Variants in TUBGCP4 observed in about 807,000 individuals in gnomAD.
TUBGCP4 encodes the protein gamma-tubulin complex component 4.
TUBGCP4 carries 54 observed loss-of-function variants against 91.6 expected under a neutral mutation model. The ratio of observed to expected loss-of-function variants is 0.59; its 90% CI spans 0.47 to 0.74. The LOEUF is 0.74. Ranked by LOEUF, TUBGCP4 falls within the 30% of genes least tolerant of loss-of-function variation. The pLI is 0.00. For missense variants in TUBGCP4, 593 were observed against 800.9 expected (o/e 0.74, Z 3.13); for synonymous variants, 297 against 302.8 (o/e 0.98, Z 0.20).
chr15:43,371,542 G>A, intron 1 of TUBGCP4, 110 bp downstream of exon 1: 1 of 1,119,722 alleles, frequency 8.9e-7, no homozygotes, highest in East Asian at 2.5e-5. Flanking sequence ...CCAGGGCTGG[G>A]GGCGTATCCC....
chr15:43,407,181 T>C lies in TUBGCP4; in HGVS notation c.*1967T>C, dbSNP rs965329304. On this transcript the variant is annotated 3_prime_UTR_variant, in exon 18 of 18. Coordinates refer to ENST00000564079, the MANE Select transcript of TUBGCP4 (RefSeq NM_014444.5). ...CTATGTCTTGTCATTTGTTCTGAGATTAAGCTCAAAAAAACAGATGAAGAA... is the reference window on the plus strand; with the variant it reads ...CTATGTCTTGTCATTTGTTCTGAGACTAAGCTCAAAAAAACAGATGAAGAA... 8.9e-6 allele frequency: 5 copies of C among 559,672 alleles called. No individual in the cohort carries two copies. The highest frequency in any genetic ancestry group is 1.9e-5 in the African/African-American group (1 of 53,194). 34.7% of individuals were successfully genotyped at this position (559,672 alleles called of 1,614,324 possible).
Position 43,404,472 on chromosome 15 carries a change from G to T in TUBGCP4, c.1908G>T (p.Gln636His). 1 of 1,614,128 alleles carries T rather than the reference G, an allele frequency of 6.2e-7. No individual in the cohort carries two copies. Among genetic ancestry groups the T allele is most frequent in the South Asian group, 1.1e-5 (1 of 91,082 alleles). The change falls in exon 17 of 18, where the codon CAG (glutamine) becomes CAT (histidine). Residue 636 changes from glutamine (Q) to histidine (H), a missense_variant. Coordinates refer to ENST00000564079, the MANE Select transcript of TUBGCP4 (RefSeq NM_014444.5). ...FKILSSVRNH[Q>H]INSDLAQLLL... ...TTCTCTCCAGTGTTCGGAATCATCA[G>T]ATCAACTCAGATTTGGCTCAACTAC... is the stretch of plus-strand genomic sequence containing the variant.
intron 9 of TUBGCP4, among the ~76,000 whole-genome samples, chr15:43,393,446 T>C (rs182638414): frequency 1.3e-5 from 2 of 151,910 alleles, no homozygotes; most frequent in East Asian, 3.9e-4. Context: ...CTTTTTTTTT[T>C]AATTTTATTA....
chr15:43,378,670 G>A (rs2044242363), intron 5 of TUBGCP4, among the ~76,000 whole-genome samples: 1 of 152,206 alleles, frequency 6.6e-6, no homozygotes, highest in Non-Finnish European at 1.5e-5. Flanking sequence ...TTCATGCTGT[G>A]CCAGCAAAGC....
At position 43,377,071 on chromosome 15, in the gene TUBGCP4, T is replaced by C. The variant is rs906052915; in HGVS notation, c.384+4T>C. The C allele has an allele frequency of 1.2e-6, 2 of 1,611,558 alleles. No individual in the cohort carries two copies. Among genetic ancestry groups the C allele is most frequent in the African/African-American group, 1.3e-5 (1 of 74,998 alleles). ...TGTCAACTACTTCCTAGACCAGGTA[T>C]GCTGCCCAAATAACCAAATGCCTTG... On this transcript the variant is annotated splice_donor_region_variant and intron_variant, in intron 4 of 17. Coordinates refer to ENST00000564079, the MANE Select transcript of TUBGCP4 (RefSeq NM_014444.5).
At chr15:43,377,655 C>G (rs1739566671) in intron 4 of TUBGCP4, 192 bp from the exon 5 acceptor site, 1 of 510,450 alleles carries the variant, frequency 2.0e-6, no homozygotes, top group Admixed American at 4.0e-5. Flanking sequence ...GAAACTGCCT[C>G]TCTCTGCCAT....
In TUBGCP4 at chr15:43,407,835, A is replaced by G. The variant is rs911256286; in HGVS notation, c.*2621A>G. On this transcript the variant is annotated 3_prime_UTR_variant, in exon 18 of 18. Coordinates refer to ENST00000564079, the MANE Select transcript of TUBGCP4 (RefSeq NM_014444.5). The stretch of plus-strand genomic sequence containing the variant: ...GTGGTACTTTTCTTCTCTAAGAAAC[A>G]TGGATACGGTCAACCTATTAGGCCT... The G allele has an allele frequency of 4.3e-6, 5 of 1,163,532 alleles. No individual in the cohort carries two copies. In the East Asian group the frequency reaches 9.4e-5, roughly 22 times the overall value. The allele number at this position is 1,163,532 out of a possible 1,614,324, so 72.1% of individuals were successfully genotyped here. A position where few individuals can be genotyped will look rare whatever the true frequency, so the allele number is the denominator to read the frequency against.
chr15:43,389,099 CA>C (rs1319080264), intron 9 of TUBGCP4, among the ~76,000 whole-genome samples: 2 of 152,144 alleles, frequency 1.3e-5, no homozygotes, highest in African/African-American at 2.4e-5. Flanking sequence ...GCTGGTAATA[CA>C]GGTGTTCAAT....
In TUBGCP4 at chr15:43,408,013, G is replaced by C. The variant is rs2044973768; in HGVS notation, c.*2799G>C. On this transcript the variant is annotated 3_prime_UTR_variant, in exon 18 of 18. Coordinates refer to ENST00000564079, the MANE Select transcript of TUBGCP4 (RefSeq NM_014444.5). ...CACCAGTCATGAGGATCTCAGACCA[G>C]AGCTCCAGGAAGTTCTGCTGTTGGT... 2.5e-6 allele frequency: 4 copies of C among 1,614,008 alleles called. No homozygotes were observed. In the African/African-American group the frequency reaches 5.3e-5, roughly 22 times the overall value.
rs900799010 is a variant in TUBGCP4, at chr15:43,407,050, T to C, written c.*1836T>C. 4 of 259,354 alleles carry C rather than the reference T, an allele frequency of 1.5e-5. No individual in the cohort carries two copies. Among genetic ancestry groups the C allele is most frequent in the African/African-American group, 6.7e-5 (3 of 44,942 alleles). 16.1% of individuals were successfully genotyped at this position (259,354 alleles called of 1,614,324 possible). On this transcript the variant is annotated 3_prime_UTR_variant, in exon 18 of 18. Coordinates refer to ENST00000564079, the MANE Select transcript of TUBGCP4 (RefSeq NM_014444.5). ...GCATTTTAGACACCCTGGAATAACC[T>C]TTTGGGAATGATGCCACAGAATAAA...
intron 17 of TUBGCP4, 175 bp downstream of exon 17, chr15:43,404,727 A>C (rs2044800553): frequency 4.3e-6 from 3 of 693,514 alleles, no homozygotes; most frequent in Non-Finnish European, 6.9e-6. Context: ...TTTCTAGTAG[A>C]AGTCATCATC....
intron 9 of TUBGCP4, among the ~76,000 whole-genome samples, chr15:43,392,638 A>C (rs978521693): frequency 6.6e-6 from 1 of 152,076 alleles, no homozygotes; most frequent in African/African-American, 2.4e-5. Flanking sequence ...AGCTGGGGTT[A>C]CAGGCATGTG....
chr15:43,406,379 A>C lies in TUBGCP4; in HGVS notation c.*1165A>C. 3.1e-6 allele frequency: 1 copy of C among 321,114 alleles called. No individual in the cohort carries two copies. The highest frequency in any genetic ancestry group is 6.2e-6 in the Non-Finnish European group (1 of 162,550). The allele number at this position is 321,114 out of a possible 1,614,324, so 19.9% of individuals were successfully genotyped here. A position where few individuals can be genotyped will look rare whatever the true frequency, so the allele number is the denominator to read the frequency against. On this transcript the variant is annotated 3_prime_UTR_variant, in exon 18 of 18. Transcript: ENST00000564079. ...AAGCTCTGACAACTTATTCCCTGCT[A>C]TTATCAACTAAAGATCACCCTTTCT...
chr15:43,401,130 C>G (rs2467733), intron 14 of TUBGCP4, among the ~76,000 whole-genome samples: 44,341 of 151,872 alleles, frequency 0.29, 10,063 homozygotes, highest in African/African-American at 0.63. Flanking sequence ...AGTCAGTAGA[C>G]GGAATGTGGC....
In TUBGCP4 at chr15:43,407,895, C is replaced by T. The variant is rs12593128; in HGVS notation, c.*2681C>T. The stretch of plus-strand genomic sequence containing the variant: ...ACCACAAGGCCTAACACCTACAGGT[C>T]TAAGGAGATCCCTGGAACAAAGACA... On this transcript the variant is annotated 3_prime_UTR_variant, in exon 18 of 18. Coordinates refer to ENST00000564079, the MANE Select transcript of TUBGCP4 (RefSeq NM_014444.5). The T allele has an allele frequency of 9.5e-6, 15 of 1,574,856 alleles. No individual in the cohort carries two copies. Among genetic ancestry groups the T allele is most frequent in the Non-Finnish European group, 1.3e-5 (15 of 1,161,728 alleles).
intron 17 of TUBGCP4, 46 bp from the exon 18 acceptor site, chr15:43,405,156 C>T: frequency 6.2e-7 from 1 of 1,611,036 alleles, no homozygotes; most frequent in Non-Finnish European, 8.5e-7. Context: ...TGAAGGTAGT[C>T]TTGGGAAAGC....
intron 13 of TUBGCP4, 107 bp from the exon 14 acceptor site, chr15:43,399,937 G>C (rs908634249): frequency 3.0e-6 from 2 of 677,124 alleles, no homozygotes; most frequent in Non-Finnish European, 4.8e-6. Flanking sequence ...TTTCCTTACT[G>C]CCTGTTTGTG....
chr15:43,404,064 A>G, intron 16 of TUBGCP4: 1 of 525,120 alleles, frequency 1.9e-6, no homozygotes. Context: ...ACTTCCTCAC[A>G]TCCTCCCCCC....
chr15:43,386,142 C>A, intron 8 of TUBGCP4, 64 bp from the exon 9 acceptor site: 1 of 1,551,570 alleles, frequency 6.4e-7, no homozygotes, highest in South Asian at 1.2e-5. Context: ...TAGCCCTCCC[C>A]AGAAAACCCT....
Sources: gnomAD v4.1 joint callset for allele counts (sites outside exome capture counted in the v4.1 genomes callset) on GRCh38, gnomAD v4.1.1 for gene constraint, MANE v1.5 for transcripts, NCBI Gene and HGNC (gene_info 2026-07-23, HGNC 2026-07-21) for gene names.